The following CARMIL1 variants were observed in gnomAD, a reference collection of about 807,000 sequenced individuals.
CARMIL1 encodes the protein F-actin-uncapping protein LRRC16A.
CARMIL1 carries 90 observed loss-of-function variants against 177.1 expected under a neutral mutation model. The observed-to-expected ratio is 0.51, with a 90% confidence interval of 0.43 to 0.61. CARMIL1 has a LOEUF of 0.61. Ranked by LOEUF, CARMIL1 falls within the 20% of genes least tolerant of loss-of-function variation. The pLI, the probability that CARMIL1 is intolerant of heterozygous loss-of-function variation, is 0.00. For missense variants in CARMIL1, 1,380 were observed against 1,667.0 expected, an observed-to-expected ratio of 0.83 and a Z score of 3.00; for synonymous variants, 577 against 606.2, an observed-to-expected ratio of 0.95 and a Z score of 0.71.
At chr6:25,518,085 G>T (rs1714037238) in intron 22 of CARMIL1, among the ~76,000 whole-genome samples, 1 of 152,120 alleles carries the variant, frequency 6.6e-6, no homozygotes, top group Non-Finnish European at 1.5e-5. Flanking sequence ...AAAATGAGAG[G>T]CTATAAAATA....
intron 2 of CARMIL1, among the ~76,000 whole-genome samples, chr6:25,341,961 A>G (rs1786990988): frequency 6.6e-6 from 1 of 152,200 alleles, no homozygotes; most frequent in African/African-American, 2.4e-5. Context: ...TTGGTGCGGA[A>G]AAGTTTGGGA....
chr6:25,516,506 T>C (rs1248542887), intron 21 of CARMIL1, among the ~76,000 whole-genome samples: 1 of 152,208 alleles, frequency 6.6e-6, no homozygotes, highest in Non-Finnish European at 1.5e-5. Context: ...GATGTTTTTC[T>C]ATTCTCCGGC....
At chr6:25,530,814 G>A (rs1464972150) in intron 24 of CARMIL1, among the ~76,000 whole-genome samples, 1 of 152,124 alleles carries the variant, frequency 6.6e-6, no homozygotes, top group East Asian at 1.9e-4. Flanking sequence ...TTTAAAAATC[G>A]CTGCTTTGGG....
chr6:25,317,193 G>A (rs1349532558), intron 2 of CARMIL1, among the ~76,000 whole-genome samples: 1 of 152,094 alleles, frequency 6.6e-6, no homozygotes, highest in Non-Finnish European at 1.5e-5. Flanking sequence ...CCAGGCTGAA[G>A]TGCTATGGCT....
chr6:25,596,201 T>C (rs1330126179), intron 32 of CARMIL1, among the ~76,000 whole-genome samples: 1 of 152,180 alleles, frequency 6.6e-6, no homozygotes. Flanking sequence ...ATAAAGATAC[T>C]GCTCAAGGAA....
intron 8 of CARMIL1, among the ~76,000 whole-genome samples, chr6:25,456,382 A>G (rs1463508807): frequency 6.6e-6 from 1 of 152,230 alleles, no homozygotes; most frequent in Non-Finnish European, 1.5e-5. Context: ...AGGAATAAGG[A>G]TGACAGTGAT....
chr6:25,578,857 A>G (rs1310253218), intron 29 of CARMIL1, among the ~76,000 whole-genome samples: 2 of 152,136 alleles, frequency 1.3e-5, no homozygotes, highest in Non-Finnish European at 2.9e-5. Context: ...CATTAGAGTG[A>G]GTTTTTCTGA....
At chr6:25,581,175 T>C in intron 30 of CARMIL1, 68 bp from the exon 31 acceptor site, 2 of 1,460,058 alleles carry the variant, frequency 1.4e-6, no homozygotes, top group South Asian at 2.5e-5. Context: ...TTAGGAATTT[T>C]TTATCCATCT....
intron 2 of CARMIL1, among the ~76,000 whole-genome samples, chr6:25,308,305 T>TTGTTGGAATAAA (rs1783441348): frequency 6.6e-6 from 1 of 152,086 alleles, no homozygotes; most frequent in African/African-American, 2.4e-5. Flanking sequence ...CACCCCTTTG[T>TTGTTGGAATAAA]CACTGTGCCT....
chr6:25,426,794 T>C (rs577300010), intron 4 of CARMIL1, among the ~76,000 whole-genome samples: 2 of 152,326 alleles, frequency 1.3e-5, no homozygotes, highest in Non-Finnish European at 2.9e-5. Context: ...TAACCGGCAG[T>C]GTAAACGTGA....
intron 5 of CARMIL1, among the ~76,000 whole-genome samples, chr6:25,436,908 G>A (rs1388348498): frequency 1.3e-5 from 2 of 152,192 alleles, no homozygotes; most frequent in South Asian, 2.1e-4. Flanking sequence ...GGTATGAGGT[G>A]TCTTCAAGGC....
At chr6:25,420,305 G>C in intron 3 of CARMIL1, 141 bp downstream of exon 3, 1 of 791,796 alleles carries the variant, frequency 1.3e-6, no homozygotes, top group Non-Finnish European at 2.1e-6. Context: ...CACTTACATA[G>C]ACTTTTGATT....
chr6:25,485,075 A>C (rs1311211233), intron 12 of CARMIL1, among the ~76,000 whole-genome samples: 5 of 152,130 alleles, frequency 3.3e-5, no homozygotes, highest in Non-Finnish European at 7.4e-5. Context: ...TATATTAATA[A>C]TTCTTGATTA....
chr6:25,508,424 C>T (rs1411533043), intron 17 of CARMIL1, among the ~76,000 whole-genome samples: 4 of 152,092 alleles, frequency 2.6e-5, no homozygotes, highest in Admixed American at 1.3e-4. Context: ...TGGTGAGATG[C>T]GGTGGCACAT....
intron 2 of CARMIL1, among the ~76,000 whole-genome samples, chr6:25,404,540 T>G (rs1035592072): frequency 2.0e-5 from 3 of 152,084 alleles, no homozygotes. Context: ...GCGGATCACC[T>G]GAGGTCGGGA....
intron 2 of CARMIL1, among the ~76,000 whole-genome samples, chr6:25,356,006 AAGAAAG>A (rs1325736007): frequency 2.6e-5 from 4 of 151,326 alleles, no homozygotes; most frequent in African/African-American, 7.3e-5. Context: ...CTTATAGTAC[AAGAAAG>A]AGGTTTCTTT....
intron 11 of CARMIL1, chr6:25,479,230 T>G (rs1801867435): frequency 1.9e-6 from 1 of 518,994 alleles, no homozygotes; most frequent in Non-Finnish European, 3.8e-6. Flanking sequence ...CTATTCTGAC[T>G]TCTCTCATGA....
chr6:25,500,112 TC>T, intron 16 of CARMIL1, 53 bp from the exon 17 acceptor site: 4 of 1,513,456 alleles, frequency 2.6e-6, no homozygotes, highest in Non-Finnish European at 3.7e-6. Flanking sequence ...TTGCATTTTT[TC>T]TTTTGGGCAG....
Position 25,556,790 on chromosome 6 carries a change from C to T in CARMIL1, c.2682C>T (p.Ser894=), listed in dbSNP as rs1298593757. The T allele has an allele frequency of 1.9e-6, 3 of 1,613,606 alleles. No homozygotes were observed. Among genetic ancestry groups the T allele is most frequent in the East Asian group, 2.2e-5 (1 of 44,866 alleles). The part of the protein sequence containing the change: ...ELAEEKPVKR[S]IITVEELTEI... ...CTGAGGAGAAGCCAGTTAAACGTTC[C>T]ATCATCACAGTGGAGGAGCTAACAG... The change falls in exon 29 of 37, where the codon TCC becomes TCT. Residue 894 remains serine, a synonymous_variant. Coordinates refer to ENST00000329474, the MANE Select transcript of CARMIL1 (RefSeq NM_017640.6).
Sources: allele counts gnomAD v4.1 joint callset (sites outside exome capture counted in the v4.1 genomes callset), GRCh38; gene constraint gnomAD v4.1.1; transcripts MANE v1.5; gene names NCBI Gene and HGNC (gene_info 2026-07-23, HGNC 2026-07-21).